The following MGAT4C variants were observed in gnomAD, a reference collection of about 807,000 sequenced individuals.
The protein encoded by MGAT4C is MGAT4 family member C.
A neutral mutation model predicts 40.1 loss-of-function variants in MGAT4C; 19 were observed. The observed-to-expected ratio is 0.47, with a 90% CI of 0.33 to 0.70. MGAT4C has a LOEUF of 0.70. Among genes scored for constraint, MGAT4C ranks in the 30% least tolerant of loss-of-function variants. The pLI, the probability that MGAT4C is intolerant of heterozygous loss-of-function variation, is 0.02. For synonymous variants in MGAT4C, 181 were observed against 187.1 expected (o/e 0.97, Z 0.27); for missense variants, 491 against 563.2 (o/e 0.87, Z 1.30).
intron 1 of MGAT4C, among the ~76,000 whole-genome samples, chr12:86,830,239 A>ATC (rs1229332217): frequency 6.8e-6 from 1 of 147,184 alleles, no homozygotes; most frequent in East Asian, 2.0e-4. Flanking sequence ...CTATCCATCC[A>ATC]TCTCTCTCTG....
At chr12:86,727,925 C>T (rs1950850192) in intron 1 of MGAT4C, among the ~76,000 whole-genome samples, 1 of 152,032 alleles carries the variant, frequency 6.6e-6, no homozygotes, top group African/African-American at 2.4e-5. Context: ...TCACTTAATT[C>T]TCAATCCTCA....
chr12:86,690,534 C>T (rs979240107), intron 2 of MGAT4C, among the ~76,000 whole-genome samples: 1 of 152,150 alleles, frequency 6.6e-6, no homozygotes, highest in South Asian at 2.1e-4. Context: ...CTTCAAGGCA[C>T]AGTCCCTCAA....
At position 86,256,254 on chromosome 12, in the gene MGAT4C, C is replaced by T. The variant is rs914963999; in HGVS notation, c.-72G>A. On this transcript the variant is annotated 5_prime_UTR_variant, in exon 1 of 5. Transcript: ENST00000611864. Reference sequence around the variant, plus strand: ...AAGCCCTTACCAGAGACAGAGAAAACAATTCGTTCAGCTAGATCCAACAGT... The same window carrying T: ...AAGCCCTTACCAGAGACAGAGAAAATAATTCGTTCAGCTAGATCCAACAGT... 5.3e-5 allele frequency: 8 copies of T among 152,070 alleles called. No homozygotes were observed. The highest frequency in any genetic ancestry group is 5.2e-4 in the Admixed American group (8 of 15,254). The allele number at this position is 152,070 out of a possible 1,614,324, so 9.4% of individuals were successfully genotyped here. A position where few individuals can be genotyped will look rare whatever the true frequency, so the allele number is the denominator to read the frequency against.
At position 86,589,874 on chromosome 12, in the gene MGAT4C, A is replaced by G. The variant is rs557979753; in HGVS notation, c.-229+137335T>C. Among the ~76,000 whole-genome samples the G allele has an allele frequency of 4.6e-5, 7 of 152,150 alleles. No individual in the cohort carries two copies. In the South Asian group the frequency reaches 1.4e-3, roughly 31 times the overall value. Reference sequence around the variant, plus strand: ...TGGAAGTAAAATGTTCCCAAGCACAAACAAAAGCACAAGGCCTAAATCAGA... The same window carrying G: ...TGGAAGTAAAATGTTCCCAAGCACAGACAAAAGCACAAGGCCTAAATCAGA... On this transcript the variant is annotated intron_variant, in intron 2 of 7. Coordinates refer to the MGAT4C transcript ENST00000548651.
chr12:86,050,215 G>A (rs2136965296), intron 1 of MGAT4C, among the ~76,000 whole-genome samples: 1 of 152,010 alleles, frequency 6.6e-6, no homozygotes, highest in South Asian at 2.1e-4. Context: ...CATATAAAAG[G>A]TTACAACATT....
At chr12:86,453,394 T>G (rs117918432) in intron 2 of MGAT4C, among the ~76,000 whole-genome samples, 1,836 of 152,294 alleles carry the variant, frequency 0.012, 14 homozygotes, top group Middle Eastern at 0.027. Context: ...GTTGTTCTAT[T>G]CCTGAAACAT....
chr12:86,327,365 G>C (rs1335865367), intron 4 of MGAT4C, among the ~76,000 whole-genome samples: 1 of 151,716 alleles, frequency 6.6e-6, no homozygotes, highest in Admixed American at 6.6e-5. Context: ...TTAGATTGCT[G>C]AGTTGATTGA....
intron 2 of MGAT4C, among the ~76,000 whole-genome samples, chr12:86,531,679 T>A (rs899496956): frequency 6.6e-6 from 1 of 152,036 alleles, no homozygotes; most frequent in African/African-American, 2.4e-5. Context: ...TCAAGCCAGA[T>A]GCAATTTATT....
At chr12:86,056,067 T>A (rs1449426595) in intron 1 of MGAT4C, among the ~76,000 whole-genome samples, 1 of 152,100 alleles carries the variant, frequency 6.6e-6, no homozygotes, top group African/African-American at 2.4e-5. Flanking sequence ...TTAAAAAAAA[T>A]TATTCCAGGC....
chr12:86,110,630 G>T (rs182239482), intron 1 of MGAT4C, among the ~76,000 whole-genome samples: 2 of 151,094 alleles, frequency 1.3e-5, no homozygotes, highest in Admixed American at 6.6e-5. Context: ...CCTTATAGTC[G>T]ATTTCTTCAG....
chr12:86,046,112 C>T (rs936201915), intron 2 of MGAT4C, among the ~76,000 whole-genome samples: 13 of 152,100 alleles, frequency 8.5e-5, no homozygotes, highest in African/African-American at 3.1e-4. Context: ...GGAAAGAAAA[C>T]TTTACCTTGT....
At chr12:86,191,850 T>C (rs1348404521) in intron 1 of MGAT4C, among the ~76,000 whole-genome samples, 1 of 145,458 alleles carries the variant, frequency 6.9e-6, no homozygotes, top group Non-Finnish European at 1.5e-5. Context: ...AACCCAAATG[T>C]CCATCAATGA....
In MGAT4C at chr12:86,034,446, G is replaced by T. The variant is rs1434059346; in HGVS notation, c.-7+15228C>A. Among the ~76,000 whole-genome samples, 2 of 149,198 alleles carry T rather than the reference G, an allele frequency of 1.3e-5. 1 individual carries two copies. The highest frequency in any genetic ancestry group is 1.4e-4 in the Admixed American group (2 of 14,804). ...ATATTGGAAGTCATTGGTCTCCAGG[G>T]ATTCACTTTCTTTCTGGTTCAATTT... On this transcript the variant is annotated intron_variant, in intron 2 of 4. Transcript: ENST00000611864.
At chr12:86,278,033 A>T (rs905588789) in intron 4 of MGAT4C, among the ~76,000 whole-genome samples, 1 of 152,184 alleles carries the variant, frequency 6.6e-6, no homozygotes, top group Non-Finnish European at 1.5e-5. Context: ...AACATGAAAT[A>T]TATTTCCACT....
chr12:86,626,484 T>A (rs1962808413), intron 2 of MGAT4C, among the ~76,000 whole-genome samples: 1 of 152,166 alleles, frequency 6.6e-6, no homozygotes, highest in South Asian at 2.1e-4. Flanking sequence ...CTGTTGTAGT[T>A]GTGGTTGTTT....
At chr12:86,246,300 C>G (rs1009928539) in intron 1 of MGAT4C, among the ~76,000 whole-genome samples, 1 of 151,138 alleles carries the variant, frequency 6.6e-6, no homozygotes, top group Non-Finnish European at 1.5e-5. Context: ...ATTCTCCTGC[C>G]TCAGCCTCCG....
rs542977933 is a variant in MGAT4C at position 86,762,946 on chromosome 12, CAT to C, written c.-261-35707_-261-35706del. On this transcript the variant is annotated intron_variant, in intron 1 of 7. Coordinates refer to the MGAT4C transcript ENST00000548651. The stretch of plus-strand genomic sequence containing the variant: ...ATAAATCAGATATCACGTTATGACA[CAT>C]GTTTCTGTTCTCCATGGGATTTATG... 1.2e-3 allele frequency among the ~76,000 whole-genome samples: 179 copies of C among 152,268 alleles called. 1 individual carries two copies. The highest frequency in any genetic ancestry group is 2.0e-3 in the Non-Finnish European group (137 of 68,014).
intron 2 of MGAT4C, among the ~76,000 whole-genome samples, chr12:86,646,447 T>C (rs2136528742): frequency 6.6e-6 from 1 of 152,082 alleles, no homozygotes; most frequent in East Asian, 1.9e-4. Flanking sequence ...TTGTGAAACT[T>C]AGTTTCTTTG....
intron 1 of MGAT4C, among the ~76,000 whole-genome samples, chr12:86,788,812 C>T (rs1951976659): frequency 6.6e-6 from 1 of 152,082 alleles, no homozygotes; most frequent in South Asian, 2.1e-4. Context: ...AAATGCTGTG[C>T]TATCTTTTGA....
Sources: allele counts gnomAD v4.1 joint callset (sites outside exome capture counted in the v4.1 genomes callset), GRCh38; gene constraint gnomAD v4.1.1; transcripts MANE v1.5; gene names NCBI Gene and HGNC (gene_info 2026-07-23, HGNC 2026-07-21).